EXOC6: variants seen among roughly 807,000 people sequenced by gnomAD.
The protein encoded by EXOC6 is exocyst complex component 6.
Under a neutral mutation model 112.5 loss-of-function variants are expected in EXOC6, and 60 were observed. The ratio of observed to expected loss-of-function variants is 0.53; its 90% CI spans 0.43 to 0.66. The LOEUF is 0.66. Ranked by LOEUF, EXOC6 falls within the 30% of genes least tolerant of loss-of-function variation. The pLI is 0.00. For synonymous variants in EXOC6, 295 were observed against 308.0 expected, an observed-to-expected ratio of 0.96 and a Z score of 0.44; for missense variants, 855 against 957.1, an observed-to-expected ratio of 0.89 and a Z score of 1.41.
chr10:92,870,151 A>G (rs972183805), intron 1 of EXOC6, among the ~76,000 whole-genome samples: 31 of 151,854 alleles, frequency 2.0e-4, no homozygotes, highest in African/African-American at 5.8e-4. Context: ...ACAGGGTTTC[A>G]CCATGTTGGC....
At chr10:92,856,750 C>T (rs1000074344) in intron 1 of EXOC6, among the ~76,000 whole-genome samples, 1 of 152,122 alleles carries the variant, frequency 6.6e-6, no homozygotes, top group Non-Finnish European at 1.5e-5. Context: ...TTTTGGTCTT[C>T]TGCTTAGTTG....
chr10:92,888,541 T>C (rs1849344747), intron 1 of EXOC6, among the ~76,000 whole-genome samples: 1 of 152,242 alleles, frequency 6.6e-6, no homozygotes, highest in African/African-American at 2.4e-5. Context: ...AATCCTCCCT[T>C]GAAGGGACTC....
At chr10:92,829,859 G>C (rs1418760809), upstream of EXOC6, among the ~76,000 whole-genome samples, 3 of 152,002 alleles carry the variant, frequency 2.0e-5, no homozygotes, top group African/African-American at 7.3e-5. Context: ...CATCCTCACT[G>C]CTCATTATAA....
chr10:92,975,803 C>G (rs1842551821), intron 18 of EXOC6, among the ~76,000 whole-genome samples: 1 of 136,066 alleles, frequency 7.3e-6, no homozygotes, highest in Non-Finnish European at 1.6e-5. Context: ...GGGGGTCAGC[C>G]CCCGCGCCCG....
At chr10:92,934,075 T>C (rs1268172108) in intron 9 of EXOC6, 69 bp from the exon 10 acceptor site, 1 of 927,770 alleles carries the variant, frequency 1.1e-6, no homozygotes, top group African/African-American at 1.7e-5. Flanking sequence ...GAAGTTGTAG[T>C]GACTTGGAAC....
chr10:92,958,589 T>C (rs956590458), intron 17 of EXOC6, among the ~76,000 whole-genome samples: 8 of 152,224 alleles, frequency 5.3e-5, no homozygotes, highest in African/African-American at 1.7e-4. Context: ...TCTCTTCTTA[T>C]GGAGCAAGGA....
chr10:92,884,904 G>C (rs1370512152), intron 1 of EXOC6, among the ~76,000 whole-genome samples: 1 of 152,030 alleles, frequency 6.6e-6, no homozygotes, highest in Non-Finnish European at 1.5e-5. Flanking sequence ...TGTGGAATTT[G>C]ATTACTAAGT....
intron 18 of EXOC6, among the ~76,000 whole-genome samples, chr10:92,982,481 T>A (rs987183461): frequency 1.6e-4 from 21 of 129,166 alleles, no homozygotes; most frequent in East Asian, 2.5e-4. Context: ...ACCATTTTTT[T>A]AAAAAAAGGA....
chr10:92,936,453 G>A (rs999914942), intron 12 of EXOC6, among the ~76,000 whole-genome samples: 4 of 152,184 alleles, frequency 2.6e-5, no homozygotes, highest in Admixed American at 1.3e-4. Context: ...TGTGTTCTAT[G>A]AGCAAATCAC....
chr10:92,976,667 A>T (rs895020279), intron 18 of EXOC6, among the ~76,000 whole-genome samples: 66 of 148,524 alleles, frequency 4.4e-4, no homozygotes, highest in Middle Eastern at 6.9e-3. Flanking sequence ...GTAAAAAAAA[A>T]AATAATAAAT....
chr10:92,887,134 G>A (rs1849258613), intron 1 of EXOC6, among the ~76,000 whole-genome samples: 1 of 152,004 alleles, frequency 6.6e-6, no homozygotes. Context: ...ACCCTACATG[G>A]TTATCAAGAG....
intron 18 of EXOC6, among the ~76,000 whole-genome samples, chr10:92,982,902 T>C (rs945112570): frequency 1.8e-4 from 27 of 152,224 alleles, no homozygotes; most frequent in Admixed American, 1.2e-3. Flanking sequence ...TAATTTGCAT[T>C]TTTAGTTTCC....
At chr10:92,828,171 A>T (rs1284023893) in intron 1 of EXOC6, among the ~76,000 whole-genome samples, 1 of 152,050 alleles carries the variant, frequency 6.6e-6, no homozygotes, top group Non-Finnish European at 1.5e-5. Flanking sequence ...GCAAATATCA[A>T]TTTTTCTTCT....
intron 20 of EXOC6, among the ~76,000 whole-genome samples, chr10:93,052,082 C>T (rs1846317113): frequency 6.6e-6 from 1 of 152,166 alleles, no homozygotes; most frequent in African/African-American, 2.4e-5. Context: ...TCCTGGGTCA[C>T]TGCCCCTGAG....
Position 92,894,957 on chromosome 10 carries a change from C to G in EXOC6, c.349C>G (p.Arg117Gly). 2.5e-6 allele frequency: 4 copies of G among 1,612,274 alleles called. No homozygotes were observed. The highest frequency in any genetic ancestry group is 3.4e-6 in the Non-Finnish European group (4 of 1,178,648). The change falls in exon 4 of 22, where the codon CGA becomes GGA. Residue 117 changes from arginine to glycine, a missense_variant. Transcript: ENST00000260762. The part of the protein sequence containing the change: ...EVIVHTEDII[R>G]CRIQQRNITT... ...GATAGTCCACACAGAAGATATCATTCGATGTAGAATTCAGCAGAGAAATAT... is the reference window on the plus strand; with the variant it reads ...GATAGTCCACACAGAAGATATCATTGGATGTAGAATTCAGCAGAGAAATAT...
chr10:92,990,509 T>C (rs867167475), intron 18 of EXOC6, among the ~76,000 whole-genome samples: 1 of 152,196 alleles, frequency 6.6e-6, no homozygotes, highest in South Asian at 2.1e-4. Flanking sequence ...GAAAGACCTA[T>C]ATAAAATGCA....
intron 17 of EXOC6, among the ~76,000 whole-genome samples, chr10:92,968,882 A>G (rs1842176031): frequency 6.6e-6 from 1 of 152,118 alleles, no homozygotes; most frequent in African/African-American, 2.4e-5. Flanking sequence ...CATTTTCCCA[A>G]AACCGTTTTG....
intron 20 of EXOC6, among the ~76,000 whole-genome samples, chr10:93,017,837 C>G (rs1479611120): frequency 6.6e-6 from 1 of 151,208 alleles, no homozygotes; most frequent in Non-Finnish European, 1.5e-5. Context: ...CAGTGAAACC[C>G]CGTCTCTACT....
At chr10:92,960,702 T>C (rs1336772439) in intron 17 of EXOC6, among the ~76,000 whole-genome samples, 1 of 152,176 alleles carries the variant, frequency 6.6e-6, no homozygotes, top group Non-Finnish European at 1.5e-5. Context: ...CTATCTTTTT[T>C]CCTCTCAGTA....
Sources: allele counts gnomAD v4.1 joint callset (sites outside exome capture counted in the v4.1 genomes callset), GRCh38; gene constraint gnomAD v4.1.1; transcripts MANE v1.5; gene names NCBI Gene and HGNC (gene_info 2026-07-23, HGNC 2026-07-21).